Variants in GOLM2 observed in about 807,000 individuals in gnomAD.
GOLM2 encodes protein GOLM2.
Under a neutral mutation model 55.9 loss-of-function variants are expected in GOLM2, and 26 were observed. That is an observed-to-expected ratio of 0.47 (90% CI 0.34 to 0.65). The LOEUF is 0.65. Ranked by LOEUF, GOLM2 falls within the 30% of genes least tolerant of loss-of-function variation. The pLI is 0.01. For synonymous variants in GOLM2, 165 were observed against 194.6 expected (o/e 0.85, Z 1.27); for missense variants, 486 against 531.8 (o/e 0.91, Z 0.85).
At chr15:44,392,778 T>C (rs2079500102) in intron 8 of GOLM2, among the ~76,000 whole-genome samples, 1 of 152,166 alleles carries the variant, frequency 6.6e-6, no homozygotes, top group Non-Finnish European at 1.5e-5. Context: ...ATTAACAAAA[T>C]ATATGAGGAA....
At chr15:44,333,569 C>T (rs549297054) in intron 4 of GOLM2, among the ~76,000 whole-genome samples, 1 of 152,146 alleles carries the variant, frequency 6.6e-6, no homozygotes, top group East Asian at 1.9e-4. Context: ...ATAGTAGAGG[C>T]ATTGAGGGCA....
chr15:44,369,717 CACACACAT>C (rs2079317279), intron 6 of GOLM2, among the ~76,000 whole-genome samples: 1 of 150,582 alleles, frequency 6.6e-6, no homozygotes, highest in Admixed American at 6.6e-5. Flanking sequence ...CACACACACA[CACACACAT>C]ATATATATAA....
At chr15:44,373,456 C>CA (rs571251472) in intron 6 of GOLM2, among the ~76,000 whole-genome samples, 2,652 of 118,940 alleles carry the variant, frequency 0.022, 83 homozygotes, top group African/African-American at 0.071. Flanking sequence ...GACTCCGTCT[C>CA]AAAAAAAAAA....
At chr15:44,294,805 G>A (rs1567018423) in intron 1 of GOLM2, among the ~76,000 whole-genome samples, 1 of 150,930 alleles carries the variant, frequency 6.6e-6, no homozygotes, top group Non-Finnish European at 1.5e-5. Context: ...CTTGGGAGGA[G>A]TATCGTTTGA....
At chr15:44,326,263 C>CAA (rs569803247) in intron 2 of GOLM2, among the ~76,000 whole-genome samples, 2 of 59,726 alleles carry the variant, frequency 3.3e-5, no homozygotes, top group Non-Finnish European at 3.4e-5. Flanking sequence ...GACTCTGTCT[C>CAA]AAAAAAAAAA....
chr15:44,322,930 T>G (rs369197879), intron 1 of GOLM2, 35 bp from the exon 2 acceptor site: 2 of 1,456,144 alleles, frequency 1.4e-6, no homozygotes, highest in Non-Finnish European at 1.9e-6. Context: ...AAACTACATA[T>G]TTTTTAGTAA....
chr15:44,374,980 C>T (rs979191614), intron 6 of GOLM2, among the ~76,000 whole-genome samples: 1 of 151,924 alleles, frequency 6.6e-6, no homozygotes, highest in Non-Finnish European at 1.5e-5. Flanking sequence ...TGAAGAGGAC[C>T]GGGTTAAAAT....
chr15:44,379,882 T>C, intron 7 of GOLM2, 94 bp downstream of exon 7: 3 of 611,588 alleles, frequency 4.9e-6, no homozygotes, highest in Non-Finnish European at 8.4e-6. Flanking sequence ...AGCAGTATAG[T>C]GAAATAGCAT....
At chr15:44,328,613 C>A in intron 2 of GOLM2, 72 bp from the exon 3 acceptor site, 1 of 923,356 alleles carries the variant, frequency 1.1e-6, no homozygotes, top group Non-Finnish European at 1.7e-6. Flanking sequence ...AAAAAAACAT[C>A]CCATAGCTTC....
At chr15:44,385,732 A>G (rs2079439897) in intron 8 of GOLM2, among the ~76,000 whole-genome samples, 1 of 151,942 alleles carries the variant, frequency 6.6e-6, no homozygotes, top group Admixed American at 6.6e-5. Flanking sequence ...TTTATTTTTT[A>G]GCTTTTGTGG....
At chr15:44,347,101 G>T (rs188207016) in intron 6 of GOLM2, among the ~76,000 whole-genome samples, 1 of 152,086 alleles carries the variant, frequency 6.6e-6, no homozygotes, top group Non-Finnish European at 1.5e-5. Flanking sequence ...TCCAGTCTGG[G>T]TGACAGAGAG....
At chr15:44,336,277 C>T (rs543381194) in intron 4 of GOLM2, among the ~76,000 whole-genome samples, 2 of 151,928 alleles carry the variant, frequency 1.3e-5, no homozygotes, top group Admixed American at 6.6e-5. Context: ...CCACCACACC[C>T]GGCTAATTTT....
intron 1 of GOLM2, among the ~76,000 whole-genome samples, chr15:44,291,890 T>C (rs1567017624): frequency 6.6e-6 from 1 of 152,220 alleles, no homozygotes. Context: ...TGTATCCTCC[T>C]CTTGGAATTC....
intron 6 of GOLM2, among the ~76,000 whole-genome samples, chr15:44,369,781 A>T (rs562359551): frequency 5.5e-4 from 84 of 151,882 alleles, no homozygotes; most frequent in Non-Finnish European, 1.0e-3. Context: ...ACAAAGCAAG[A>T]CTCCATCTTA....
chr15:44,346,723 A>AG (rs1166305442), intron 6 of GOLM2, among the ~76,000 whole-genome samples: 1 of 152,224 alleles, frequency 6.6e-6, no homozygotes, highest in African/African-American at 2.4e-5. Flanking sequence ...ATGGGGAAGA[A>AG]GATTAGGACA....
chr15:44,408,849 A>G (rs1012651304), intron 9 of GOLM2, among the ~76,000 whole-genome samples: 1 of 152,232 alleles, frequency 6.6e-6, no homozygotes, highest in Non-Finnish European at 1.5e-5. Flanking sequence ...CTGTAGTCCC[A>G]GCTACTGGGG....
intron 6 of GOLM2, among the ~76,000 whole-genome samples, chr15:44,358,233 A>C (rs2079210794): frequency 2.0e-5 from 3 of 152,186 alleles, no homozygotes; most frequent in Non-Finnish European, 4.4e-5. Flanking sequence ...GCACATCCGT[A>C]ATCCCAGCTA....
chr15:44,322,203 AC>A (rs2078955023), intron 1 of GOLM2, among the ~76,000 whole-genome samples: 3 of 152,178 alleles, frequency 2.0e-5, no homozygotes, highest in Non-Finnish European at 4.4e-5. Context: ...CCCCATCTCT[AC>A]TAAAAATACA....
At chr15:44,408,654 C>A (rs1366345999) in intron 9 of GOLM2, among the ~76,000 whole-genome samples, 1 of 152,170 alleles carries the variant, frequency 6.6e-6, no homozygotes, top group African/African-American at 2.4e-5. Context: ...TTGCTCTTAT[C>A]CTGATTTCGC....
Sources: gnomAD v4.1 joint callset for allele counts (sites outside exome capture counted in the v4.1 genomes callset) on GRCh38, gnomAD v4.1.1 for gene constraint, MANE v1.5 for transcripts, NCBI Gene and HGNC (gene_info 2026-07-23, HGNC 2026-07-21) for gene names.